DOK6: variants seen among roughly 807,000 people sequenced by gnomAD.
DOK6 encodes the protein downstream of tyrosine kinase 6.
In DOK6, 22 loss-of-function variants were observed where a neutral mutation model predicts 44.0. The ratio of observed to expected loss-of-function variants is 0.50; its 90% CI spans 0.36 to 0.71. The LOEUF (loss-of-function observed/expected upper bound fraction) is 0.71, where lower values mean the gene tolerates loss of function less well. DOK6 is among the 30% of genes least tolerant of loss of function. The pLI, the probability that DOK6 is intolerant of heterozygous loss-of-function variation, is 0.00. For synonymous variants in DOK6, 166 were observed against 145.5 expected, an observed-to-expected ratio of 1.14 and a Z score of -1.01; for missense variants, 340 against 416.4, an observed-to-expected ratio of 0.82 and a Z score of 1.60.
At chr18:69,826,454 A>C (rs1380840041) in intron 7 of DOK6, among the ~76,000 whole-genome samples, 1 of 152,218 alleles carries the variant, frequency 6.6e-6, no homozygotes, top group Non-Finnish European at 1.5e-5. Flanking sequence ...TACATTAAAG[A>C]CTAATAAGGG....
chr18:69,572,782 G>A (rs1295897064), intron 2 of DOK6, among the ~76,000 whole-genome samples: 3 of 151,898 alleles, frequency 2.0e-5, no homozygotes, highest in Non-Finnish European at 4.4e-5. Context: ...ACCAACAAGA[G>A]ATTAAGTAAT....
chr18:69,487,177 ATGTGTGTGTG>A (rs5825940), intron 1 of DOK6, among the ~76,000 whole-genome samples: 12,335 of 140,446 alleles, frequency 0.088, 604 homozygotes, highest in East Asian at 0.23. Context: ...CTGATAGGAT[ATGTGTGTGTG>A]TGTGTGTGTG....
intron 7 of DOK6, among the ~76,000 whole-genome samples, chr18:69,784,496 G>A (rs1312761849): frequency 6.6e-6 from 1 of 151,264 alleles, no homozygotes; most frequent in Non-Finnish European, 1.5e-5. Context: ...AATATAAAAT[G>A]TAATATAAAA....
intron 7 of DOK6, among the ~76,000 whole-genome samples, chr18:69,823,625 T>TTG (rs72248499): frequency 0.032 from 4,646 of 146,802 alleles, 132 homozygotes; most frequent in African/African-American, 0.078. Context: ...GTGTGTGTGT[T>TTG]TGTGTGTGTG....
intron 1 of DOK6, among the ~76,000 whole-genome samples, chr18:69,541,286 A>T (rs1982261786): frequency 6.6e-6 from 1 of 151,366 alleles, no homozygotes; most frequent in African/African-American, 2.4e-5. Flanking sequence ...AATAATTCCT[A>T]AGTAGAAATA....
intron 1 of DOK6, among the ~76,000 whole-genome samples, chr18:69,547,082 G>A (rs1458893229): frequency 3.3e-5 from 5 of 151,274 alleles, no homozygotes; most frequent in South Asian, 4.2e-4. Flanking sequence ...GTCAGGGAAC[G>A]TACCCTTTTT....
At chr18:69,443,050 T>C (rs380761) in intron 1 of DOK6, among the ~76,000 whole-genome samples, 10,436 of 152,310 alleles carry the variant, frequency 0.069, 383 homozygotes, top group Middle Eastern at 0.13. Context: ...TTTTTTTCAT[T>C]TGGTATACCA....
intron 7 of DOK6, among the ~76,000 whole-genome samples, chr18:69,833,523 C>CA (rs774446720): frequency 7.2e-5 from 11 of 151,872 alleles, no homozygotes; most frequent in Admixed American, 3.3e-4. Context: ...AGTAAGACCA[C>CA]AAAAGCACAG....
In DOK6 at chr18:69,698,618, T is replaced by A; in HGVS notation, c.599+25T>A. 2.5e-6 allele frequency: 4 copies of A among 1,605,054 alleles called. No homozygotes were observed. The South Asian group carries it at 4.5e-5, about 18-fold the overall frequency. On this transcript the variant is annotated intron_variant, in intron 5 of 7. Transcript: ENST00000382713. ...GGTAAGATCTAGTGCAGCAGCCAAGTGCAGGAGTTGTCTGTATAACAGAGT... is the reference window on the plus strand; with the variant it reads ...GGTAAGATCTAGTGCAGCAGCCAAGAGCAGGAGTTGTCTGTATAACAGAGT...
chr18:69,667,151 C>G (rs1331274404), intron 3 of DOK6, among the ~76,000 whole-genome samples: 1 of 152,190 alleles, frequency 6.6e-6, no homozygotes, highest in Non-Finnish European at 1.5e-5. Flanking sequence ...AATCTCATAT[C>G]TTGGGCTTTA....
intron 3 of DOK6, among the ~76,000 whole-genome samples, chr18:69,622,491 T>A (rs1230121060): frequency 6.6e-6 from 1 of 152,210 alleles, no homozygotes; most frequent in Non-Finnish European, 1.5e-5. Flanking sequence ...AGCAACAGGA[T>A]TTTTTGTTTA....
chr18:69,710,214 A>G (rs1264031167), intron 5 of DOK6, among the ~76,000 whole-genome samples: 2 of 152,252 alleles, frequency 1.3e-5, no homozygotes, highest in African/African-American at 4.8e-5. Context: ...TATTTTTAAT[A>G]ATTTTCATTA....
In DOK6 at chr18:69,698,492, C is replaced by T; in HGVS notation, c.498C>T (p.Leu166=). Residue 166 remains leucine (L), a synonymous_variant, in exon 5 of 8, where the codon CTC becomes CTT. Coordinates refer to ENST00000382713, the MANE Select transcript of DOK6 (RefSeq NM_152721.6). ...TMQITHENIY[L]WDIHNAKVKL... ...AGATCACTCATGAAAATATCTATCT[C>T]TGGGATATCCACAATGCCAAGGTCA... is the stretch of plus-strand genomic sequence containing the variant. 1 of 1,614,112 alleles carries T rather than the reference C, an allele frequency of 6.2e-7. No homozygotes were observed. Among genetic ancestry groups the T allele is most frequent in the African/African-American group, 1.3e-5 (1 of 75,038 alleles).
At chr18:69,808,707 T>C (rs896804135) in intron 7 of DOK6, among the ~76,000 whole-genome samples, 4 of 151,768 alleles carry the variant, frequency 2.6e-5, no homozygotes, top group African/African-American at 9.7e-5. Flanking sequence ...GAAAAATTCC[T>C]AAACATATAC....
intron 1 of DOK6, among the ~76,000 whole-genome samples, chr18:69,444,826 A>C (rs1222209266): frequency 2.0e-5 from 3 of 151,758 alleles, no homozygotes; most frequent in Admixed American, 1.3e-4. Context: ...TTTATTTTTT[A>C]CTATTATGGC....
chr18:69,530,182 A>G (rs1981945090), intron 1 of DOK6, among the ~76,000 whole-genome samples: 1 of 152,224 alleles, frequency 6.6e-6, no homozygotes, highest in African/African-American at 2.4e-5. Flanking sequence ...CAAACAGTAG[A>G]TTCAGGTCTC....
chr18:69,423,252 C>T (rs113598668), intron 1 of DOK6, among the ~76,000 whole-genome samples: 2 of 152,248 alleles, frequency 1.3e-5, no homozygotes, highest in East Asian at 1.9e-4. Flanking sequence ...TAGTGAGCTG[C>T]GATCATGCCA....
At chr18:69,535,208 T>C (rs1327635605) in intron 1 of DOK6, among the ~76,000 whole-genome samples, 1 of 152,122 alleles carries the variant, frequency 6.6e-6, no homozygotes, top group Non-Finnish European at 1.5e-5. Flanking sequence ...CCTTAGATCT[T>C]TCAAAAAATT....
intron 1 of DOK6, among the ~76,000 whole-genome samples, chr18:69,465,641 A>C (rs1013725097): frequency 6.6e-6 from 1 of 150,974 alleles, no homozygotes; most frequent in East Asian, 1.9e-4. Flanking sequence ...TGAACTCATC[A>C]TTTTTTATGG....
Sources: allele counts gnomAD v4.1 joint callset (sites outside exome capture counted in the v4.1 genomes callset), GRCh38; gene constraint gnomAD v4.1.1; transcripts MANE v1.5; gene names NCBI Gene and HGNC (gene_info 2026-07-23, HGNC 2026-07-21).